MRTFA: variants seen among roughly 807,000 people sequenced by gnomAD.
MRTFA encodes myocardin related transcription factor A.
A neutral mutation model predicts 83.5 loss-of-function variants in MRTFA; 20 were observed. The ratio of observed to expected loss-of-function variants is 0.24; its 90% CI spans 0.17 to 0.35. The LOEUF (loss-of-function observed/expected upper bound fraction) is 0.35. Among genes scored for constraint, MRTFA ranks in the 10% least tolerant of loss-of-function variants. The pLI is 1.00. For synonymous variants in MRTFA, 659 were observed against 541.2 expected, an observed-to-expected ratio of 1.22 and a Z score of -3.02; for missense variants, 1,200 against 1,224.7, an observed-to-expected ratio of 0.98 and a Z score of 0.30.
Position 40,422,128 on chromosome 22 carries a change from C to CAGGCAGAGGCAG in MRTFA, c.928-1040_928-1029dup, listed in dbSNP as rs143872092. On this transcript the variant is annotated intron_variant, in intron 9 of 14. Transcript: ENST00000355630. ...ACAGGCTGGGGAGCAGGAAGAAGTA[C>CAGGCAGAGGCAG]AGGCAGAGGCAGAGGCAGAGGCAGA... Among the ~76,000 whole-genome samples the CAGGCAGAGGCAG allele has an allele frequency of 2.4e-4, 37 of 151,364 alleles. No homozygotes were observed. The South Asian group carries it at 6.7e-3, about 27-fold the overall frequency.
At chr22:40,508,436 C>T (rs1023238501) in intron 3 of MRTFA, among the ~76,000 whole-genome samples, 23 of 135,392 alleles carry the variant, frequency 1.7e-4, no homozygotes, top group African/African-American at 5.5e-4. Flanking sequence ...TGTTTGAACT[C>T]GGGAAGCAGA....
chr22:40,418,733 C>CGGGGGT lies in MRTFA; in HGVS notation c.2004_2005insACCCCC (p.Pro668_Ala669insThrPro). On this transcript the variant is annotated inframe_insertion, in exon 12 of 15. Transcript: ENST00000355630. ...TGCTTCACGGGGGTGCCGAGGGGGGCGGGGGCGGGGGCGGGCTGCTGGGCT... is the reference window on the plus strand; with the variant it reads ...TGCTTCACGGGGGTGCCGAGGGGGGCGGGGGTGGGGGCGGGGGCGGGCTGCTGGGCT... 7.5e-6 allele frequency: 1 copy of CGGGGGT among 133,262 alleles called. No homozygotes were observed. The highest frequency in any genetic ancestry group is 1.2e-5 in the Non-Finnish European group (1 of 84,720). 8.3% of individuals were successfully genotyped at this position (133,262 alleles called of 1,614,324 possible).
Position 40,411,912 on chromosome 22 carries a change from C to A in MRTFA, c.2579-5G>T, listed in dbSNP as rs775132208. 1 of 1,482,018 alleles carries A rather than the reference C, an allele frequency of 6.7e-7. No individual in the cohort carries two copies. The highest frequency in any genetic ancestry group is 1.4e-5 in the African/African-American group (1 of 71,130). The allele number at this position is 1,482,018 out of a possible 1,614,324, so 91.8% of individuals were successfully genotyped here. ...CCTTGAAATCTGCTGAAATTTCTGC[C>A]AATCAATCAAGAGAGTAAATGGATA... On this transcript the variant is annotated splice_region_variant and splice_polypyrimidine_tract_variant and intron_variant, in intron 14 of 14. Coordinates refer to ENST00000355630, the MANE Select transcript of MRTFA (RefSeq NM_020831.6).
At chr22:40,614,779 G>C (rs933763578) in intron 1 of MRTFA, among the ~76,000 whole-genome samples, 1 of 152,106 alleles carries the variant, frequency 6.6e-6, no homozygotes, top group African/African-American at 2.4e-5. Flanking sequence ...GAGCTGCAGC[G>C]CCTGGCCCAT....
intron 3 of MRTFA, among the ~76,000 whole-genome samples, chr22:40,540,776 CAAAAAAA>C (rs11398739): frequency 2.2e-5 from 2 of 91,134 alleles, no homozygotes; most frequent in African/African-American, 8.8e-5. Flanking sequence ...GACTCTGTCT[CAAAAAAA>C]AAAAAAAAAA....
At chr22:40,612,392 G>C (rs1307162011) in intron 1 of MRTFA, among the ~76,000 whole-genome samples, 1 of 152,190 alleles carries the variant, frequency 6.6e-6, no homozygotes, top group Non-Finnish European at 1.5e-5. Context: ...GAAATGTGAG[G>C]ACCTATTACA....
intron 1 of MRTFA, among the ~76,000 whole-genome samples, chr22:40,610,618 A>AC (rs1433414750): frequency 2.7e-5 from 4 of 149,692 alleles, no homozygotes; most frequent in Middle Eastern, 3.5e-3. Context: ...CAAGTATTGT[A>AC]CTTTTTATCC....
intron 3 of MRTFA, among the ~76,000 whole-genome samples, chr22:40,549,682 G>C (rs2055416048): frequency 6.6e-6 from 1 of 152,150 alleles, no homozygotes; most frequent in Non-Finnish European, 1.5e-5. Context: ...ATAAGTTGTG[G>C]GTTATTTTGT....
intron 4 of MRTFA, among the ~76,000 whole-genome samples, chr22:40,452,236 G>A (rs778488578): frequency 8.6e-5 from 13 of 152,006 alleles, no homozygotes; most frequent in African/African-American, 1.2e-4. Context: ...CACCTGCCTC[G>A]GCCTCCCCAA....
intron 14 of MRTFA, among the ~76,000 whole-genome samples, chr22:40,414,433 T>C (rs9611342): frequency 0.14 from 20,847 of 152,166 alleles, 2,833 homozygotes; most frequent in African/African-American, 0.35. Flanking sequence ...CAGACACTTG[T>C]ACACTGACAT....
At chr22:40,414,938 C>G (rs909968585) in intron 14 of MRTFA, 3 of 152,168 alleles carry the variant, frequency 2.0e-5, no homozygotes, top group African/African-American at 7.2e-5. Context: ...GTTCTGGCCC[C>G]CCCTGTCCTG....
Position 40,410,755 on chromosome 22 carries a change from G to GAGTT in MRTFA, c.*631_*634dup. On this transcript the variant is annotated 3_prime_UTR_variant, in exon 15 of 15. Coordinates refer to ENST00000355630, the MANE Select transcript of MRTFA (RefSeq NM_020831.6). ...CCTTCTGTGAGAGTAGGATGGGAGG[G>GAGTT]AGTTGCACCCATCTCCTGTCCGCCC... 1 of 232,880 alleles carries GAGTT rather than the reference G, an allele frequency of 4.3e-6. No homozygotes were observed. The highest frequency in any genetic ancestry group is 8.5e-6 in the Non-Finnish European group (1 of 117,896). The allele number at this position is 232,880 out of a possible 1,614,324, so 14.4% of individuals were successfully genotyped here. A position where few individuals can be genotyped will look rare whatever the true frequency, so the allele number is the denominator to read the frequency against.
chr22:40,540,604 A>AC (rs1374873452), intron 3 of MRTFA, among the ~76,000 whole-genome samples: 2 of 151,848 alleles, frequency 1.3e-5, no homozygotes, highest in African/African-American at 2.4e-5. Flanking sequence ...ACATGGTGAA[A>AC]CCCCATCCCT....
chr22:40,534,712 A>C (rs563298821), intron 3 of MRTFA, among the ~76,000 whole-genome samples: 1 of 152,358 alleles, frequency 6.6e-6, no homozygotes, highest in South Asian at 2.1e-4. Context: ...AATGATATTA[A>C]GATTACTTTC....
rs1285897871 is a variant in MRTFA, at chr22:40,636,500, G to A, written c.-106C>T. 1 of 152,382 alleles carries A rather than the reference G, an allele frequency of 6.6e-6. No homozygotes were observed. Among genetic ancestry groups the A allele is most frequent in the Non-Finnish European group, 1.5e-5 (1 of 68,178 alleles). The allele number at this position is 152,382 out of a possible 1,614,324, so 9.4% of individuals were successfully genotyped here. A position where few individuals can be genotyped will look rare whatever the true frequency, so the allele number is the denominator to read the frequency against. ...CACCGCCTCGCGCGGCTCCCGGCCG[G>A]GTTCCGCGGCTCGCCCCACTCCGGC... On this transcript the variant is annotated 5_prime_UTR_variant, in exon 1 of 15. Coordinates refer to ENST00000355630, the MANE Select transcript of MRTFA (RefSeq NM_020831.6).
chr22:40,540,791 A>C (rs2055276431), intron 3 of MRTFA, among the ~76,000 whole-genome samples: 1 of 150,592 alleles, frequency 6.6e-6, no homozygotes, highest in African/African-American at 2.4e-5. Context: ...AAAAAAAAAA[A>C]AAAAACCAAA....
chr22:40,632,433 G>A (rs2056651961), intron 1 of MRTFA, among the ~76,000 whole-genome samples: 1 of 151,394 alleles, frequency 6.6e-6, no homozygotes, highest in South Asian at 2.1e-4. Context: ...ACAGGCATGG[G>A]CTGCCACTCC....
At chr22:40,565,020 G>A (rs1426844965) in intron 2 of MRTFA, among the ~76,000 whole-genome samples, 2 of 152,120 alleles carry the variant, frequency 1.3e-5, no homozygotes, top group Non-Finnish European at 2.9e-5. Context: ...GTAAGCTCAT[G>A]AGCTTATGTA....
chr22:40,516,449 AAG>A (rs1248456374), intron 3 of MRTFA, among the ~76,000 whole-genome samples: 2 of 151,014 alleles, frequency 1.3e-5, no homozygotes, highest in Admixed American at 6.6e-5. Flanking sequence ...AAAAAGGAAA[AAG>A]AAAAAAAAAA....
Sources: gnomAD v4.1 joint callset for allele counts (sites outside exome capture counted in the v4.1 genomes callset) on GRCh38, gnomAD v4.1.1 for gene constraint, MANE v1.5 for transcripts, NCBI Gene and HGNC (gene_info 2026-07-23, HGNC 2026-07-21) for gene names.